Variants in CKLF observed in about 807,000 individuals in gnomAD.
CKLF encodes the protein chemokine like factor.
Under a neutral mutation model 12.9 loss-of-function variants are expected in CKLF, and 16 were observed. The ratio of observed to expected loss-of-function variants is 1.24; its 90% CI spans 0.84 to 1.88. The LOEUF (loss-of-function observed/expected upper bound fraction) is 1.88. CKLF is among the 40% of genes most tolerant of loss of function. The probability of loss-of-function intolerance (pLI) is 0.00; values close to 1 mark genes in which losing one functional copy is unlikely to be tolerated. For synonymous variants in CKLF, 61 were observed against 69.0 expected, an observed-to-expected ratio of 0.88 and a Z score of 0.57; for missense variants, 172 against 188.5, an observed-to-expected ratio of 0.91 and a Z score of 0.51.
chr16:66,553,220 T>C (rs1334488663), intron 1 of CKLF, among the ~76,000 whole-genome samples: 1 of 151,480 alleles, frequency 6.6e-6, no homozygotes, highest in African/African-American at 2.4e-5. Context: ...ACCCAAATGG[T>C]CTACATTTGG....
rs757254143 is a variant in CKLF, at chr16:66,563,220, A to C, written c.333+3A>C. On this transcript the variant is annotated splice_donor_region_variant and intron_variant, in intron 3 of 3. Transcript: ENST00000264001. Reference sequence around the variant, plus strand: ...CAACATTGACAGTTGGTGGAGGGGTAAGTGGAAGTCTTTCTGCTTGCTTTC... The same window carrying C: ...CAACATTGACAGTTGGTGGAGGGGTCAGTGGAAGTCTTTCTGCTTGCTTTC... 2 of 1,612,672 alleles carry C rather than the reference A, an allele frequency of 1.2e-6. No homozygotes were observed. The highest frequency in any genetic ancestry group is 4.5e-5 in the East Asian group (2 of 44,862).
intron 2 of CKLF, among the ~76,000 whole-genome samples, chr16:66,562,843 C>T (rs1284694130): frequency 2.0e-5 from 3 of 152,144 alleles, no homozygotes; most frequent in Admixed American, 2.0e-4. Context: ...GCCTCAGCCT[C>T]CCGAGTAGCT....
chr16:66,555,670 A>G (rs2011413305), intron 1 of CKLF, among the ~76,000 whole-genome samples: 1 of 152,222 alleles, frequency 6.6e-6, no homozygotes, highest in African/African-American at 2.4e-5. Context: ...AGATCTTGAA[A>G]ACATGGTGAG....
At chr16:66,563,615 GAGAC>G (rs1362258007) in intron 3 of CKLF, among the ~76,000 whole-genome samples, 1 of 152,182 alleles carries the variant, frequency 6.6e-6, no homozygotes, top group African/African-American at 2.4e-5. Flanking sequence ...TTGTTAAGAT[GAGAC>G]AGACTGTTTT....
intron 3 of CKLF, 63 bp from the exon 4 acceptor site, chr16:66,565,823 A>C (rs1220454283): frequency 1.3e-6 from 2 of 1,530,396 alleles, no homozygotes; most frequent in African/African-American, 2.7e-5. Flanking sequence ...ACCACTTAAA[A>C]CTTGTGTGAA....
chr16:66,560,907 A>C (rs951826272), intron 2 of CKLF, among the ~76,000 whole-genome samples: 1 of 152,048 alleles, frequency 6.6e-6, no homozygotes, highest in Admixed American at 6.5e-5. Context: ...AAGTGACAGG[A>C]AAGTTGTAGG....
Position 66,563,227 on chromosome 16 carries a change from A to G in CKLF, c.333+10A>G, listed in dbSNP as rs1484078808. 3 of 1,610,962 alleles carry G rather than the reference A, an allele frequency of 1.9e-6. No homozygotes were observed. In the African/African-American group the frequency reaches 4.0e-5, roughly 22 times the overall value. On this transcript the variant is annotated intron_variant, in intron 3 of 3. Transcript: ENST00000264001. ...GACAGTTGGTGGAGGGGTAAGTGGAAGTCTTTCTGCTTGCTTTCTTCAGGT... is the reference window on the plus strand; with the variant it reads ...GACAGTTGGTGGAGGGGTAAGTGGAGGTCTTTCTGCTTGCTTTCTTCAGGT...
At chr16:66,559,785 G>C (rs941938654) in intron 2 of CKLF, among the ~76,000 whole-genome samples, 1 of 152,132 alleles carries the variant, frequency 6.6e-6, no homozygotes, top group Non-Finnish European at 1.5e-5. Flanking sequence ...TACTGATATT[G>C]TATCTCTTAG....
chr16:66,553,002 A>T (rs2011242973), intron 1 of CKLF, among the ~76,000 whole-genome samples: 1 of 152,066 alleles, frequency 6.6e-6, no homozygotes, highest in Non-Finnish European at 1.5e-5. Flanking sequence ...TCATTCATGA[A>T]AACCAGAGAG....
intron 1 of CKLF, among the ~76,000 whole-genome samples, chr16:66,554,836 G>GT (rs1228209200): frequency 6.6e-6 from 1 of 152,252 alleles, no homozygotes; most frequent in African/African-American, 2.4e-5. Flanking sequence ...GCAGGAATGT[G>GT]TGGGAAGGCA....
At chr16:66,555,485 A>C (rs188388994) in intron 1 of CKLF, among the ~76,000 whole-genome samples, 1 of 152,346 alleles carries the variant, frequency 6.6e-6, no homozygotes, top group African/African-American at 2.4e-5. Flanking sequence ...AGAGGAGTCC[A>C]AGACAGCTTC....
intron 2 of CKLF, among the ~76,000 whole-genome samples, chr16:66,561,875 C>T (rs887776698): frequency 1.3e-5 from 2 of 152,142 alleles, no homozygotes; most frequent in African/African-American, 2.4e-5. Flanking sequence ...ACCTTTCCCA[C>T]GCTACACATC....
chr16:66,552,927 C>A, intron 1 of CKLF, 134 bp downstream of exon 1: 2 of 1,253,108 alleles, frequency 1.6e-6, no homozygotes, highest in Non-Finnish European at 2.3e-6. Context: ...CAAGGCATGG[C>A]CTCCTTGGGG....
At chr16:66,565,374 A>G (rs2144566623) in intron 3 of CKLF, among the ~76,000 whole-genome samples, 1 of 152,288 alleles carries the variant, frequency 6.6e-6, no homozygotes, top group East Asian at 1.9e-4. Context: ...CTCACCCTTT[A>G]AGCAGATGTA....
chr16:66,566,251 T>C, downstream of CKLF: 3 of 1,462,506 alleles, frequency 2.1e-6, no homozygotes, highest in South Asian at 4.2e-5. This position sits in a 1 kb window ranked among gnomAD's most constrained non-coding sequence, Gnocchi z 4.9. Context: ...TCAGGGATCT[T>C]TGAATCTCTT....
chr16:66,564,623 A>G (rs1458662223), intron 3 of CKLF, among the ~76,000 whole-genome samples: 1 of 152,056 alleles, frequency 6.6e-6, no homozygotes, highest in Non-Finnish European at 1.5e-5. Context: ...GGCATCCGCC[A>G]CCATGCCTGG....
At chr16:66,561,798 T>A (rs1285671354) in intron 2 of CKLF, among the ~76,000 whole-genome samples, 1 of 152,194 alleles carries the variant, frequency 6.6e-6, no homozygotes, top group Non-Finnish European at 1.5e-5. Context: ...AGTTTGCTAT[T>A]TGGGTTATTC....
chr16:66,553,960 G>C (rs1008003485), intron 1 of CKLF, among the ~76,000 whole-genome samples: 7 of 152,240 alleles, frequency 4.6e-5, no homozygotes, highest in African/African-American at 1.7e-4. Context: ...CTCTGGAGTT[G>C]AGGGAAGGAG....
At chr16:66,563,248 C>T in intron 3 of CKLF, 31 bp downstream of exon 3, 1 of 1,606,286 alleles carries the variant, frequency 6.2e-7, no homozygotes, top group Non-Finnish European at 8.5e-7. Context: ...TTGCTTTCTT[C>T]AGGTTTTATC....
Sources: allele counts gnomAD v4.1 joint callset (sites outside exome capture counted in the v4.1 genomes callset), GRCh38; gene constraint gnomAD v4.1.1; non-coding constraint Gnocchi (gnomAD v3.1); transcripts MANE v1.5; gene names NCBI Gene and HGNC (gene_info 2026-07-23, HGNC 2026-07-21).